Variants in ESRP1 observed in about 807,000 individuals in gnomAD.
ESRP1 encodes the protein RNA-binding motif protein 35A.
Under a neutral mutation model 81.7 loss-of-function variants are expected in ESRP1, and 33 were observed. That is an observed-to-expected ratio of 0.40 (90% confidence interval 0.31 to 0.54). The LOEUF is 0.54. Among genes scored for constraint, ESRP1 ranks in the 20% least tolerant of loss-of-function variants. ESRP1 has a pLI of 0.41. For synonymous variants in ESRP1, 320 were observed against 303.3 expected (o/e 1.06, Z -0.57); for missense variants, 672 against 833.1 (o/e 0.81, Z 2.38).
intron 14 of ESRP1, among the ~76,000 whole-genome samples, chr8:94,696,580 G>A (rs1350943750): frequency 6.6e-6 from 1 of 152,144 alleles, no homozygotes; most frequent in African/African-American, 2.4e-5. Context: ...TGAAGAAATT[G>A]GCCTCCTAAG....
chr8:94,667,933 T>A lies in ESRP1; in HGVS notation c.932-16T>A, dbSNP rs752500358. ...AACTATTTCTCTCCCTGCTTCCTAA[T>A]ATTTGTTTTCCCTAGGTACTTCCAA... is the stretch of plus-strand genomic sequence containing the variant. On this transcript the variant is annotated splice_polypyrimidine_tract_variant and intron_variant, in intron 9 of 15. Transcript: ENST00000433389. The A allele has an allele frequency of 6.5e-7, 1 of 1,541,734 alleles. No individual in the cohort carries two copies. The highest frequency in any genetic ancestry group is 2.3e-5 in the East Asian group (1 of 44,148).
chr8:94,703,882 T>C (rs1367551426), intron 15 of ESRP1, among the ~76,000 whole-genome samples: 1 of 152,180 alleles, frequency 6.6e-6, no homozygotes, highest in Non-Finnish European at 1.5e-5. Context: ...GGGCAGTTGT[T>C]TTCAATTCAG....
intron 13 of ESRP1, among the ~76,000 whole-genome samples, chr8:94,683,240 G>A (rs755236905): frequency 8.6e-5 from 13 of 151,836 alleles, no homozygotes; most frequent in Middle Eastern, 3.4e-3. Flanking sequence ...CACCGCGCCC[G>A]GCCTATGAAT....
chr8:94,702,758 T>G (rs1433409199), intron 15 of ESRP1, among the ~76,000 whole-genome samples: 3 of 152,052 alleles, frequency 2.0e-5, no homozygotes, highest in Admixed American at 2.0e-4. Context: ...GCTGGGATTA[T>G]AGGTGTGAGC....
intron 9 of ESRP1, among the ~76,000 whole-genome samples, chr8:94,667,068 G>GGGGGGTGTGTGTGTGTGTGTGT (rs1554577644): frequency 1.5e-4 from 22 of 144,320 alleles, no homozygotes; most frequent in African/African-American, 5.8e-4. Context: ...CCAGGAGAGG[G>GGGGGGTGTGTGTGTGTGTGTGT]GTGTGTGTGT....
intron 13 of ESRP1, among the ~76,000 whole-genome samples, chr8:94,679,571 T>C (rs570105948): frequency 3.3e-5 from 5 of 152,320 alleles, no homozygotes; most frequent in Admixed American, 3.3e-4. Context: ...AATGAGACCA[T>C]GAATCTTGAA....
At chr8:94,652,477 T>C (rs1563520113) in intron 4 of ESRP1, among the ~76,000 whole-genome samples, 1 of 144,068 alleles carries the variant, frequency 6.9e-6, no homozygotes, top group African/African-American at 2.7e-5. Context: ...GGGGCTTCTG[T>C]GGTTTTTTTT....
chr8:94,670,646 G>C (rs1819269674), intron 10 of ESRP1, among the ~76,000 whole-genome samples: 2 of 152,210 alleles, frequency 1.3e-5, no homozygotes, highest in South Asian at 4.1e-4. Flanking sequence ...GAACTAGTTG[G>C]CATGCTCTGA....
At chr8:94,688,497 C>G in intron 13 of ESRP1, 1 of 227,032 alleles carries the variant, frequency 4.4e-6, no homozygotes, top group South Asian at 6.6e-5. Context: ...GCAGAATTAT[C>G]TGCTTCCACG....
chr8:94,668,027 C>T lies in ESRP1; in HGVS notation c.1010C>T (p.Ala337Val). ...CGCATGCGGGGGCTCCCTTTCACGG[C>T]CACAGCTGAAGAAGTGGTGGCCTTC... is the stretch of plus-strand genomic sequence containing the variant. ...IVRMRGLPFT[A>V]TAEEVVAFFG... Residue 337 changes from alanine (A) to valine (V), a missense_variant, in exon 10 of 16, where the codon GCC becomes GTC. By Grantham distance (64) the Ala-to-Val change is moderately conservative (BLOSUM62 0). Coordinates refer to ENST00000433389, the MANE Select transcript of ESRP1 (RefSeq NM_017697.4). 1 of 1,613,846 alleles carries T rather than the reference C, an allele frequency of 6.2e-7. No individual in the cohort carries two copies. Among genetic ancestry groups the T allele is most frequent in the Non-Finnish European group, 8.5e-7 (1 of 1,179,794 alleles).
chr8:94,690,096 G>A (rs777901627), intron 13 of ESRP1, among the ~76,000 whole-genome samples: 2 of 151,138 alleles, frequency 1.3e-5, no homozygotes, highest in African/African-American at 2.4e-5. Flanking sequence ...GGGATTACAG[G>A]CGTGAGCCAC....
chr8:94,690,736 G>A (rs1809369503), intron 13 of ESRP1, among the ~76,000 whole-genome samples: 1 of 152,098 alleles, frequency 6.6e-6, no homozygotes, highest in Non-Finnish European at 1.5e-5. Context: ...AGATCTTTAG[G>A]CAAGTGGAAT....
chr8:94,678,463 A>G, intron 13 of ESRP1, 92 bp downstream of exon 13: 1 of 1,451,012 alleles, frequency 6.9e-7, no homozygotes, highest in South Asian at 1.4e-5. Flanking sequence ...ATTGTCTGCC[A>G]TGTTGAAGGT....
chr8:94,674,210 A>G, intron 11 of ESRP1, 98 bp from the exon 12 acceptor site: 1 of 1,346,620 alleles, frequency 7.4e-7, no homozygotes, highest in Non-Finnish European at 1.0e-6. Context: ...AAATATCTGT[A>G]TTATGGGTGA....
At chr8:94,657,644 C>A (rs188208556) in intron 4 of ESRP1, among the ~76,000 whole-genome samples, 18 of 152,110 alleles carry the variant, frequency 1.2e-4, no homozygotes, top group Non-Finnish European at 2.4e-4. Context: ...TTATGTGGCA[C>A]CAAGGTAGTA....
chr8:94,680,283 C>A (rs534677754), intron 13 of ESRP1, among the ~76,000 whole-genome samples: 1 of 152,290 alleles, frequency 6.6e-6, no homozygotes, highest in Non-Finnish European at 1.5e-5. Context: ...TTTTATTTTA[C>A]ATTTCCCCAC....
At chr8:94,675,264 CCTT>C (rs1819533799) in intron 12 of ESRP1, among the ~76,000 whole-genome samples, 1 of 152,122 alleles carries the variant, frequency 6.6e-6, no homozygotes, top group Non-Finnish European at 1.5e-5. Flanking sequence ...ATAAGATGTA[CCTT>C]CTTAGGCCTG....
At position 94,648,439 on chromosome 8, in the gene ESRP1, G is replaced by C. The variant is rs1817947582; in HGVS notation, c.490+2157G>C. ...GAGGAATACTTATTTCCCTGTCTAG[G>C]CTACCAGACCAATTTCTGAGGCTAA... On this transcript the variant is annotated intron_variant, in intron 4 of 15. Transcript: ENST00000433389. Among the ~76,000 whole-genome samples, 4 of 152,268 alleles carry C rather than the reference G, an allele frequency of 2.6e-5. No homozygotes were observed. The South Asian group carries it at 8.3e-4, about 32-fold the overall frequency.
chr8:94,653,889 C>A (rs1818273949), intron 4 of ESRP1, among the ~76,000 whole-genome samples: 1 of 152,206 alleles, frequency 6.6e-6, no homozygotes, highest in African/African-American at 2.4e-5. Context: ...TTATCTCTGG[C>A]ATCACATTGG....
Sources: allele counts gnomAD v4.1 joint callset (sites outside exome capture counted in the v4.1 genomes callset), GRCh38; gene constraint gnomAD v4.1.1; transcripts MANE v1.5; gene names NCBI Gene and HGNC (gene_info 2026-07-23, HGNC 2026-07-21).